The following PSG7 variants were observed in gnomAD, a reference collection of about 807,000 sequenced individuals.
PSG7 encodes the protein pregnancy specific beta-1-glycoprotein 7, also known as pregnancy-specific beta-1-glycoprotein 7.
In PSG7, 57 loss-of-function variants were observed where a neutral mutation model predicts 45.6. That is an observed-to-expected ratio of 1.25 (90% CI 1.01 to 1.56). PSG7 has a LOEUF of 1.56. PSG7 is among the 40% of genes most tolerant of loss of function. The pLI is 0.00. For missense variants in PSG7, 796 were observed against 508.4 expected, an observed-to-expected ratio of 1.57 and a Z score of -5.44; for synonymous variants, 298 against 194.4, an observed-to-expected ratio of 1.53 and a Z score of -4.43.
intron 2 of PSG7, among the ~76,000 whole-genome samples, chr19:42,933,287 ATATATATATATATATATATATTTTT>A (rs1278713454): frequency 0.027 from 258 of 9,580 alleles, 38 homozygotes; most frequent in South Asian, 0.05. Flanking sequence ...ATATATATAT[ATATATATATATATATATATATTTTT>A]TTTTTTTTTT....
At chr19:42,930,470 C>T (rs531163796) in intron 2 of PSG7, among the ~76,000 whole-genome samples, 2 of 151,766 alleles carry the variant, frequency 1.3e-5, no homozygotes, top group African/African-American at 4.8e-5. Context: ...TGCTCCCTTT[C>T]CCCTGTAGAG....
intron 2 of PSG7, 27 bp from the exon 3 acceptor site, chr19:42,929,747 C>A: frequency 1.2e-6 from 2 of 1,603,058 alleles, no homozygotes; most frequent in Non-Finnish European, 1.7e-6. Context: ...GAGAAGATTG[C>A]CCTGTGTGGC....
Position 42,937,182 on chromosome 19 carries a change from C to A in PSG7, c.-106G>T, listed in dbSNP as rs1330933827. On this transcript the variant is annotated 5_prime_UTR_variant, in exon 1 of 6. Coordinates refer to ENST00000406070, the MANE Select transcript of PSG7 (RefSeq NM_002783.3). ...CTGTCCTTCCTCCTTCTGCACTGAGCCTCTTCCCGGGGCAGGAGCACTTCT... is the reference window on the plus strand; with the variant it reads ...CTGTCCTTCCTCCTTCTGCACTGAGACTCTTCCCGGGGCAGGAGCACTTCT... The A allele has an allele frequency of 1.0e-4, 155 of 1,479,092 alleles. 5 individuals carry two copies. Among genetic ancestry groups the A allele is most frequent in the Non-Finnish European group, 1.3e-4 (145 of 1,088,136 alleles). The allele number at this position is 1,479,092 out of a possible 1,614,324, so 91.6% of individuals were successfully genotyped here.
At position 42,937,016 on chromosome 19, in the gene PSG7, T is replaced by C. The variant is rs1973166059; in HGVS notation, c.61A>G (p.Thr21Ala). 7 of 1,611,184 alleles carry C rather than the reference T, an allele frequency of 4.3e-6. 1 individual carries two copies. Among genetic ancestry groups the C allele is most frequent in the South Asian group, 3.3e-5 (3 of 90,804 alleles). The change falls in exon 1 of 6, where the codon ACA becomes GCA. Residue 21 changes from threonine to alanine, a missense_variant. Thr to Ala is a moderately conservative substitution (Grantham distance 58, BLOSUM62 0). Transcript: ENST00000406070. ...TCCCAGGAAGTTCTCTCCTCACCTG[T>C]GAGCAGGAGCCCTTTCCAGGTTATA... is the stretch of plus-strand genomic sequence containing the variant. The part of the protein sequence containing the change: ...QHITWKGLLL[T>A]ASLLNFWNPP...
rs190944831 is a variant in PSG7 at position 42,925,189 on chromosome 19, A to G, written c.1244-365T>C. The G allele has an allele frequency of 3.0e-3, 992 of 332,856 alleles. 15 individuals are homozygous for G. Among genetic ancestry groups the G allele is most frequent in the Non-Finnish European group, 2.6e-3 (469 of 183,726 alleles). The allele number at this position is 332,856 out of a possible 1,614,324, so 20.6% of individuals were successfully genotyped here. ...GTTCATACTGGTTCATTCTAGCTAT[A>G]TTCTTAAATATAACATCCCAGTCAA... On this transcript the variant is annotated intron_variant, in intron 5 of 5. Coordinates refer to ENST00000406070, the MANE Select transcript of PSG7 (RefSeq NM_002783.3).
chr19:42,933,305 A>ATTTTTTTTTT (rs1294208407), intron 2 of PSG7, among the ~76,000 whole-genome samples: 3 of 13,732 alleles, frequency 2.2e-4, no homozygotes, highest in African/African-American at 5.1e-4. Context: ...ATATATATAT[A>ATTTTTTTTTT]TATTTTTTTT....
intron 2 of PSG7, among the ~76,000 whole-genome samples, chr19:42,930,629 T>C (rs1049432806): frequency 2.6e-5 from 4 of 151,750 alleles, no homozygotes; most frequent in Non-Finnish European, 5.9e-5. Context: ...GACCAATATT[T>C]GGGAAGAAGT....
intron 3 of PSG7, 78 bp from the exon 4 acceptor site, chr19:42,926,794 C>G: frequency 6.4e-7 from 1 of 1,574,094 alleles, no homozygotes; most frequent in Non-Finnish European, 8.6e-7. Context: ...TTAGAGTTGG[C>G]ATCTCCCACC....
intron 3 of PSG7, among the ~76,000 whole-genome samples, chr19:42,928,163 G>C (rs577006391): frequency 6.6e-6 from 1 of 151,584 alleles, no homozygotes; most frequent in African/African-American, 2.4e-5. Context: ...ATTTTTGAAT[G>C]CCTTGGCATG....
At position 42,935,587 on chromosome 19, in the gene PSG7, T is replaced by C. The variant is rs58684857; in HGVS notation, c.247A>G (p.Ile83Val). 0.15 allele frequency: 240,350 copies of C among 1,611,758 alleles called. 23,461 individuals carry two copies. The highest frequency in any genetic ancestry group is 0.21 in the Admixed American group (12,503 of 59,792). ...RDLYHYVTSY[I>V]VDGQIIKYGP... ...TATTTAATTATTTGACCGTCTACTA[T>C]ATATGATGTAACATAATGGTAGAGG... Residue 83 changes from isoleucine (I) to valine (V), a missense_variant, in exon 2 of 6, where the codon ATA becomes GTA. By Grantham distance (29) the Ile-to-Val change is conservative. Transcript: ENST00000406070.
intron 2 of PSG7, 107 bp from the exon 3 acceptor site, chr19:42,929,827 C>A: frequency 6.9e-7 from 1 of 1,456,180 alleles, no homozygotes; most frequent in Non-Finnish European, 9.3e-7. Flanking sequence ...CACCCAAGTC[C>A]TTAAAAGCCC....
Position 42,935,473 on chromosome 19 carries a change from T to C in PSG7, c.361A>G (p.Thr121Ala). 6.2e-7 allele frequency: 1 copy of C among 1,612,164 alleles called. No individual in the cohort carries two copies. Among genetic ancestry groups the C allele is most frequent in the Non-Finnish European group, 8.5e-7 (1 of 1,179,002 alleles). The stretch of plus-strand genomic sequence containing the variant: ...TCACCTCGCTTTATGATGTGTAAAG[T>C]GTAGGATCCTGTGTCTTCCTGGGTG... The part of the protein sequence containing the change: ...NVTQEDTGSY[T>A]LHIIKRGDGT... Residue 121 changes from threonine (T) to alanine (A), a missense_variant, in exon 2 of 6, where the codon ACT becomes GCT. Physicochemically the swap from Thr to Ala is moderately conservative, Grantham distance 58 (BLOSUM62 0). Transcript: ENST00000406070.
chr19:42,926,217 A>T, intron 4 of PSG7, 190 bp from the exon 5 acceptor site: 2 of 1,387,580 alleles, frequency 1.4e-6, no homozygotes, highest in Non-Finnish European at 9.7e-7. Context: ...GTGGGCCCCA[A>T]GTCTCCCATG....
At chr19:42,930,780 C>T (rs1169287080) in intron 2 of PSG7, among the ~76,000 whole-genome samples, 2 of 151,490 alleles carry the variant, frequency 1.3e-5, no homozygotes, top group African/African-American at 2.4e-5. Context: ...GGGAATAGGG[C>T]ACTGTTCCGT....
chr19:42,933,459 C>A (rs1329687134), intron 2 of PSG7, among the ~76,000 whole-genome samples: 1 of 148,506 alleles, frequency 6.7e-6, no homozygotes, highest in Admixed American at 6.8e-5. Context: ...GATGGAAATA[C>A]AGTGGAAGCT....
chr19:42,926,205 C>T lies in PSG7; in HGVS notation c.989-178G>A. On this transcript the variant is annotated intron_variant, in intron 4 of 5. Transcript: ENST00000406070. ...ATTCACCTGTTTCTCCCATCACAAG[C>T]TGTGGGCCCCAAGTCTCCCATGACA... 4 of 1,390,584 alleles carry T rather than the reference C, an allele frequency of 2.9e-6. No individual in the cohort carries two copies. In the South Asian group the frequency reaches 4.4e-5, roughly 15 times the overall value. 86.1% of individuals were successfully genotyped at this position (1,390,584 alleles called of 1,614,324 possible). A position where few individuals can be genotyped will look rare whatever the true frequency, so the allele number is the denominator to read the frequency against.
chr19:42,926,128 C>T, intron 4 of PSG7, 101 bp from the exon 5 acceptor site: 1 of 1,517,430 alleles, frequency 6.6e-7, no homozygotes, highest in Non-Finnish European at 8.9e-7. Flanking sequence ...CGAGACACAC[C>T]CTCAAGTGAC....
chr19:42,935,871 AAGACACACACACACACAC>A (rs1568461370), intron 1 of PSG7, 102 bp from the exon 2 acceptor site: 2 of 999,654 alleles, frequency 2.0e-6, no homozygotes, highest in Admixed American at 3.1e-5. Context: ...CTCAGCCTTG[AAGACACACACACACACAC>A]ACACACACAC....
At chr19:42,929,791 G>C in intron 2 of PSG7, 71 bp from the exon 3 acceptor site, 2 of 1,550,798 alleles carry the variant, frequency 1.3e-6, no homozygotes, top group Non-Finnish European at 1.7e-6. Context: ...TTTTCAATCA[G>C]AGTTGGCATT....
Sources: gnomAD v4.1 joint callset for allele counts (sites outside exome capture counted in the v4.1 genomes callset) on GRCh38, gnomAD v4.1.1 for gene constraint, MANE v1.5 for transcripts, NCBI Gene and HGNC (gene_info 2026-07-23, HGNC 2026-07-21) for gene names.